The following PRSS38 variants were observed in gnomAD, a reference collection of about 807,000 sequenced individuals.
PRSS38 encodes the protein serine protease 38.
A neutral mutation model predicts 26.8 loss-of-function variants in PRSS38; 22 were observed. The observed-to-expected ratio is 0.82, with a 90% CI of 0.59 to 1.17. PRSS38 has a LOEUF of 1.17. Among genes scored for constraint, PRSS38 ranks in the 50% most tolerant of loss-of-function variants. The pLI is 0.00. For missense variants in PRSS38, 427 were observed against 422.7 expected (o/e 1.01, Z -0.09); for synonymous variants, 175 against 172.1 (o/e 1.02, Z -0.13).
intron 3 of PRSS38, among the ~76,000 whole-genome samples, chr1:227,819,522 A>G (rs1211657360): frequency 1.3e-5 from 2 of 152,190 alleles, no homozygotes; most frequent in Non-Finnish European, 2.9e-5. Context: ...GGCCATTGGA[A>G]TTTTATAGGA....
chr1:227,845,963 G>A (rs201226294), exon 5 of PRSS38: 126 of 1,613,982 alleles, frequency 7.8e-5, no homozygotes, highest in East Asian at 2.0e-4. Flanking sequence ...GGGCGACTCC[G>A]GGGGCCCACT....
At chr1:227,819,676 G>T (rs531040491) in intron 3 of PRSS38, among the ~76,000 whole-genome samples, 2 of 152,256 alleles carry the variant, frequency 1.3e-5, no homozygotes, top group East Asian at 3.9e-4. Context: ...GAGTATGCAA[G>T]TTTTTCACCT....
intron 4 of PRSS38, 54 bp downstream of exon 4, chr1:227,845,666 A>C (rs1572093614): frequency 6.5e-7 from 1 of 1,550,310 alleles, no homozygotes; most frequent in Non-Finnish European, 8.8e-7. Context: ...GTGCCTGTGG[A>C]CCCCACAGGA....
chr1:227,829,630 A>G (rs1220811921), intron 3 of PRSS38, among the ~76,000 whole-genome samples: 1 of 152,126 alleles, frequency 6.6e-6, no homozygotes. Context: ...TCTCAATTTC[A>G]TTTTAATTGT....
Position 227,818,237 on chromosome 1 carries a change from T to C in PRSS38, c.583+757T>C, listed in dbSNP as rs141582742. On this transcript the variant is annotated intron_variant, in intron 3 of 4. Transcript: ENST00000366757. ...CAGGCCTGGAGATTTCAGGTTGATA[T>C]ATTACACCAGATTAAGAAAGTTACC... Among the ~76,000 whole-genome samples, 23 of 152,376 alleles carry C rather than the reference T, an allele frequency of 1.5e-4. No homozygotes were observed. The East Asian group carries it at 4.4e-3, about 29-fold the overall frequency.
chr1:227,821,416 T>C (rs1009559537), intron 3 of PRSS38, among the ~76,000 whole-genome samples: 4 of 152,202 alleles, frequency 2.6e-5, no homozygotes, highest in Non-Finnish European at 5.9e-5. Context: ...GCCCGTGCAT[T>C]TACCTTTACC....
At chr1:227,822,394 A>C (rs1665015692) in intron 3 of PRSS38, among the ~76,000 whole-genome samples, 1 of 151,706 alleles carries the variant, frequency 6.6e-6, no homozygotes, top group South Asian at 2.1e-4. Context: ...TTTTGTTGTT[A>C]TTATTACTAT....
intron 3 of PRSS38, among the ~76,000 whole-genome samples, chr1:227,842,954 G>C (rs986625929): frequency 6.6e-6 from 1 of 152,182 alleles, no homozygotes; most frequent in African/African-American, 2.4e-5. Context: ...GGCCTTTACA[G>C]AGAATCCGTT....
exon 1 of PRSS38, chr1:227,815,759 G>A: frequency 6.2e-7 from 1 of 1,611,068 alleles, no homozygotes; most frequent in Non-Finnish European, 8.5e-7. Flanking sequence ...CGGGCCCTCT[G>A]CCCTGGGCCT....
intron 3 of PRSS38, among the ~76,000 whole-genome samples, chr1:227,842,917 C>T (rs1353354338): frequency 6.6e-6 from 1 of 152,114 alleles, no homozygotes; most frequent in Non-Finnish European, 1.5e-5. Context: ...ACAGACAAGT[C>T]GTGGTAAGTA....
chr1:227,816,006 CT>C lies in PRSS38; in HGVS notation c.149-83del. 6.5e-7 allele frequency: 1 copy of C among 1,527,228 alleles called. No individual in the cohort carries two copies. Among genetic ancestry groups the C allele is most frequent in the Non-Finnish European group, 8.9e-7 (1 of 1,121,018 alleles). The allele number at this position is 1,527,228 out of a possible 1,614,324, so 94.6% of individuals were successfully genotyped here. A position where few individuals can be genotyped will look rare whatever the true frequency, so the allele number is the denominator to read the frequency against. On this transcript the variant is annotated intron_variant, in intron 1 of 4. Coordinates refer to ENST00000366757, the Ensembl canonical transcript of PRSS38. The surrounding 1 kb of genome is among the most constrained non-coding windows in gnomAD (Gnocchi z 5.1). ...CTGCCTTCCCTTCCTCCTGTGTCCC[CT>C]GCCCCTCCCCCACGTCCCCTGCCTG...
Position 227,829,957 on chromosome 1 carries a change from T to G in PRSS38, c.583+12477T>G, listed in dbSNP as rs560483376. 5.0e-4 allele frequency among the ~76,000 whole-genome samples: 76 copies of G among 152,356 alleles called. 1 individual carries two copies. The South Asian group carries it at 0.015, about 29-fold the overall frequency. ...GTGGGGTTTTTTTGTAGATATCTTT[T>G]AACAGATTGAGGAAGACTTCTTTGG... On this transcript the variant is annotated intron_variant, in intron 3 of 4. Coordinates refer to ENST00000366757, the Ensembl canonical transcript of PRSS38.
intron 3 of PRSS38, among the ~76,000 whole-genome samples, chr1:227,826,718 G>GA (rs376281996): frequency 1.9e-3 from 270 of 141,836 alleles, no homozygotes; most frequent in African/African-American, 2.5e-3. Flanking sequence ...TCCATCTCAA[G>GA]AAAAAAAAAA....
At chr1:227,827,331 G>A (rs945681297) in intron 3 of PRSS38, among the ~76,000 whole-genome samples, 15 of 152,082 alleles carry the variant, frequency 9.9e-5, no homozygotes, top group Non-Finnish European at 1.5e-4. Flanking sequence ...TTGGTCGGTA[G>A]GCTATTTATT....
chr1:227,838,780 A>C (rs570477546), intron 3 of PRSS38, among the ~76,000 whole-genome samples: 50 of 152,330 alleles, frequency 3.3e-4, no homozygotes, highest in African/African-American at 1.2e-3. Flanking sequence ...GTATTTCACC[A>C]ATTTGTGTGT....
At chr1:227,840,285 C>A (rs553577420) in intron 3 of PRSS38, among the ~76,000 whole-genome samples, 2 of 152,050 alleles carry the variant, frequency 1.3e-5, no homozygotes, top group South Asian at 4.2e-4. Context: ...CCACACCCAG[C>A]TAATTTTTGT....
chr1:227,826,907 A>G (rs138987833), intron 3 of PRSS38, among the ~76,000 whole-genome samples: 1 of 152,132 alleles, frequency 6.6e-6, no homozygotes, highest in Non-Finnish European at 1.5e-5. Context: ...AATTTTACCA[A>G]AGGCCTTTTC....
At chr1:227,824,086 A>G (rs538097470) in intron 3 of PRSS38, among the ~76,000 whole-genome samples, 26 of 152,294 alleles carry the variant, frequency 1.7e-4, no homozygotes, top group African/African-American at 6.3e-4. Context: ...TTTTAAGTTC[A>G]GGGGTACATA....
At chr1:227,817,536 G>A in intron 3 of PRSS38, 56 bp downstream of exon 3, 8 of 1,573,402 alleles carry the variant, frequency 5.1e-6, no homozygotes, top group Middle Eastern at 1.7e-4. Context: ...TTCCACCACA[G>A]GGAAGAAAAT....
Sources: allele counts gnomAD v4.1 joint callset (sites outside exome capture counted in the v4.1 genomes callset), GRCh38; gene constraint gnomAD v4.1.1; non-coding constraint Gnocchi (gnomAD v3.1); transcripts MANE v1.5; gene names NCBI Gene and HGNC (gene_info 2026-07-23, HGNC 2026-07-21).